Variants in GRID2 observed in about 807,000 individuals in gnomAD.
The protein encoded by GRID2 is glutamate receptor ionotropic, delta-2.
GRID2 carries 33 observed loss-of-function variants against 114.8 expected under a neutral mutation model. The ratio of observed to expected loss-of-function variants is 0.29; its 90% CI spans 0.22 to 0.38. GRID2 has a LOEUF of 0.38. Among genes scored for constraint, GRID2 ranks in the 10% least tolerant of loss-of-function variants. The pLI, the probability that GRID2 is intolerant of heterozygous loss-of-function variation, is 1.00. For synonymous variants in GRID2, 505 were observed against 449.9 expected, an observed-to-expected ratio of 1.12 and a Z score of -1.55; for missense variants, 1,184 against 1,257.7, an observed-to-expected ratio of 0.94 and a Z score of 0.89.
At chr4:92,706,420 A>C (rs1279189049) in intron 2 of GRID2, among the ~76,000 whole-genome samples, 1 of 152,208 alleles carries the variant, frequency 6.6e-6, no homozygotes, top group Non-Finnish European at 1.5e-5. Flanking sequence ...GGTATCATCA[A>C]GTAAAGTTTG....
intron 2 of GRID2, among the ~76,000 whole-genome samples, chr4:92,990,299 AT>A (rs1754800830): frequency 7.2e-6 from 1 of 138,216 alleles, no homozygotes; most frequent in Non-Finnish European, 1.5e-5. Flanking sequence ...ATATATATAT[AT>A]ATATATGTGT....
At chr4:92,596,575 C>G (rs1728964814) in intron 2 of GRID2, among the ~76,000 whole-genome samples, 1 of 151,938 alleles carries the variant, frequency 6.6e-6, no homozygotes, top group African/African-American at 2.4e-5. Context: ...ATTCTAAAGA[C>G]TGGGCCACAA....
chr4:92,870,090 A>T (rs966459897), intron 2 of GRID2, among the ~76,000 whole-genome samples: 3 of 151,730 alleles, frequency 2.0e-5, no homozygotes, highest in African/African-American at 7.3e-5. Flanking sequence ...ATTCCTAGCT[A>T]CTTGGAAGAC....
chr4:92,676,417 T>C (rs920549358), intron 2 of GRID2, among the ~76,000 whole-genome samples: 3 of 151,852 alleles, frequency 2.0e-5, no homozygotes, highest in African/African-American at 7.3e-5. Context: ...TCTGACCTCA[T>C]GATCTGCCTG....
chr4:93,059,919 C>A (rs1458039122), intron 2 of GRID2, among the ~76,000 whole-genome samples: 2 of 151,748 alleles, frequency 1.3e-5, no homozygotes, highest in Non-Finnish European at 2.9e-5. Context: ...TTGATAGTTT[C>A]TTTTTCAAAT....
chr4:93,617,599 T>G (rs1741806321), intron 13 of GRID2, among the ~76,000 whole-genome samples: 1 of 152,176 alleles, frequency 6.6e-6, no homozygotes, highest in African/African-American at 2.4e-5. Context: ...TCAGCGATAT[T>G]CGGGTCATGC....
chr4:93,228,806 A>G (rs1281695025), intron 7 of GRID2, among the ~76,000 whole-genome samples: 3 of 152,176 alleles, frequency 2.0e-5, no homozygotes, highest in Admixed American at 6.5e-5. Context: ...TCATACCAAG[A>G]CAAAATAATA....
At chr4:93,198,793 T>A (rs556853114) in intron 4 of GRID2, among the ~76,000 whole-genome samples, 2 of 152,244 alleles carry the variant, frequency 1.3e-5, no homozygotes, top group South Asian at 4.1e-4. Flanking sequence ...GGAGAGCTCA[T>A]ATATTGCATT....
At chr4:93,210,940 G>A (rs1743394239) in intron 5 of GRID2, among the ~76,000 whole-genome samples, 1 of 151,850 alleles carries the variant, frequency 6.6e-6, no homozygotes, top group Non-Finnish European at 1.5e-5. Context: ...ATTTCCTGAT[G>A]CAAAACCAGC....
At chr4:93,452,213 G>T (rs1580125238) in intron 10 of GRID2, among the ~76,000 whole-genome samples, 1 of 152,248 alleles carries the variant, frequency 6.6e-6, no homozygotes, top group East Asian at 1.9e-4. Context: ...AGTTGTGTTT[G>T]TGATGGAGGG....
At chr4:92,733,369 ACAGACTCTGT>A (rs1369761236) in intron 2 of GRID2, among the ~76,000 whole-genome samples, 1 of 152,064 alleles carries the variant, frequency 6.6e-6, no homozygotes, top group Admixed American at 6.6e-5. Flanking sequence ...GAAGAGTCTC[ACAGACTCTGT>A]CTCTGCCCAA....
intron 1 of GRID2, among the ~76,000 whole-genome samples, chr4:92,509,020 T>C (rs1049525355): frequency 6.6e-6 from 1 of 151,828 alleles, no homozygotes; most frequent in Non-Finnish European, 1.5e-5. Flanking sequence ...TGAGCTATGA[T>C]TGCACCACTG....
intron 2 of GRID2, among the ~76,000 whole-genome samples, chr4:93,032,984 A>T (rs1724575225): frequency 6.6e-6 from 1 of 152,238 alleles, no homozygotes; most frequent in Non-Finnish European, 1.5e-5. Flanking sequence ...GTTAATTGAC[A>T]TCAAGAAAAT....
chr4:93,017,873 G>A (rs1722910813), intron 2 of GRID2, among the ~76,000 whole-genome samples: 1 of 139,290 alleles, frequency 7.2e-6, no homozygotes. Flanking sequence ...CAAGACATAA[G>A]ACAGTAAGCT....
chr4:92,386,614 A>G (rs1729973383), intron 1 of GRID2, among the ~76,000 whole-genome samples: 1 of 151,816 alleles, frequency 6.6e-6, no homozygotes, highest in Non-Finnish European at 1.5e-5. Context: ...TATATTTATG[A>G]TTAAATTAAG....
rs566574698 is a variant in GRID2 at position 92,821,251 on chromosome 4, G to A, written c.244+230965G>A. 1.6e-4 allele frequency among the ~76,000 whole-genome samples: 24 copies of A among 152,244 alleles called. No individual in the cohort carries two copies. In the East Asian group the frequency reaches 4.6e-3, roughly 29 times the overall value. ...TAATTCCAATACAAAAATATGTGGAGCAAAATGCGACATTAAGAAGCACAC... is the reference window on the plus strand; with the variant it reads ...TAATTCCAATACAAAAATATGTGGAACAAAATGCGACATTAAGAAGCACAC... On this transcript the variant is annotated intron_variant, in intron 2 of 15. Transcript: ENST00000282020.
chr4:92,447,591 A>G (rs538535342), intron 1 of GRID2, among the ~76,000 whole-genome samples: 1 of 152,358 alleles, frequency 6.6e-6, no homozygotes, highest in South Asian at 2.1e-4. Context: ...TTGGGCTGCT[A>G]GAACAAAATA....
chr4:93,607,746 A>G (rs1740403631), intron 13 of GRID2, among the ~76,000 whole-genome samples: 1 of 152,074 alleles, frequency 6.6e-6, no homozygotes, highest in Non-Finnish European at 1.5e-5. Context: ...TATGCCCCTC[A>G]TTTTATTTTG....
At chr4:93,326,495 C>T (rs1757849016) in intron 8 of GRID2, among the ~76,000 whole-genome samples, 1 of 151,978 alleles carries the variant, frequency 6.6e-6, no homozygotes, top group East Asian at 1.9e-4. Context: ...AAAAATTGAG[C>T]TTTTAGATTC....
Sources: allele counts gnomAD v4.1 joint callset (sites outside exome capture counted in the v4.1 genomes callset), GRCh38; gene constraint gnomAD v4.1.1; transcripts MANE v1.5; gene names NCBI Gene and HGNC (gene_info 2026-07-23, HGNC 2026-07-21).